Variants in GRIP1 observed in about 807,000 individuals in gnomAD.
GRIP1 encodes glutamate receptor-interacting protein 1.
In GRIP1, 45 loss-of-function variants were observed where a neutral mutation model predicts 129.9. The ratio of observed to expected loss-of-function variants is 0.35; its 90% CI spans 0.27 to 0.44. The LOEUF (loss-of-function observed/expected upper bound fraction) is 0.44. Ranked by LOEUF, GRIP1 falls within the 20% of genes least tolerant of loss-of-function variation. The pLI is 1.00. For missense variants in GRIP1, 1,196 were observed against 1,396.8 expected, an observed-to-expected ratio of 0.86 and a Z score of 2.29; for synonymous variants, 530 against 520.8, an observed-to-expected ratio of 1.02 and a Z score of -0.24.
At chr12:66,970,317 A>G (rs1441043420) in intron 1 of GRIP1, among the ~76,000 whole-genome samples, 3 of 152,120 alleles carry the variant, frequency 2.0e-5, no homozygotes, top group Admixed American at 2.0e-4. Flanking sequence ...TCTAGCCTCA[A>G]GTCATCTGTC....
intron 15 of GRIP1, among the ~76,000 whole-genome samples, chr12:66,417,870 A>G (rs1170508663): frequency 6.6e-6 from 1 of 152,174 alleles, no homozygotes; most frequent in Non-Finnish European, 1.5e-5. Flanking sequence ...ACCCAGAGCA[A>G]TCTACATATT....
rs58598900 is a variant in GRIP1 at position 66,570,104 on chromosome 12, C to CATGTATGTATGTATGT, written c.136+26727_136+26742dup. Among the ~76,000 whole-genome samples, 1,472 of 150,832 alleles carry CATGTATGTATGTATGT rather than the reference C, an allele frequency of 9.8e-3. 21 individuals carry two copies. Among genetic ancestry groups the CATGTATGTATGTATGT allele is most frequent in the African/African-American group, 0.034 (1,388 of 40,954 alleles). On this transcript the variant is annotated intron_variant, in intron 2 of 24. Transcript: ENST00000359742. ...GTTGGGGGGTAGTTTGTAGGCATTG[C>CATGTATGTATGTATGT]ATGTATGTATGTATGTATGTATGTA...
chr12:66,868,474 G>A (rs1176086053), intron 1 of GRIP1, among the ~76,000 whole-genome samples: 2 of 151,956 alleles, frequency 1.3e-5, no homozygotes, highest in East Asian at 3.9e-4. Context: ...GGAAATTGTA[G>A]CCCCACGAAC....
chr12:66,891,389 G>C (rs116090979), intron 1 of GRIP1, among the ~76,000 whole-genome samples: 3,830 of 152,258 alleles, frequency 0.025, 77 homozygotes, highest in Middle Eastern at 0.058. Flanking sequence ...TTCATATCTG[G>C]CCACAAAGCA....
In GRIP1 at chr12:66,874,967, A is replaced by G. The variant is rs1450952062; in HGVS notation, c.58+194083T>C. Reference sequence around the variant, plus strand: ...AAGATATATTACATTTCATGTATACATACCCTGTATGTATGCTATAAAAGT... The same window carrying G: ...AAGATATATTACATTTCATGTATACGTACCCTGTATGTATGCTATAAAAGT... On this transcript the variant is annotated intron_variant, in intron 1 of 1. Transcript: ENST00000643019. Among the ~76,000 whole-genome samples, 3 of 152,214 alleles carry G rather than the reference A, an allele frequency of 2.0e-5. No individual in the cohort carries two copies. The South Asian group carries it at 6.2e-4, about 32-fold the overall frequency.
intron 14 of GRIP1, among the ~76,000 whole-genome samples, chr12:66,428,496 T>C (rs2058053332): frequency 6.6e-6 from 1 of 152,174 alleles, no homozygotes; most frequent in Non-Finnish European, 1.5e-5. Flanking sequence ...GAATTCACTG[T>C]ACTCACAAAA....
At chr12:66,395,577 A>C (rs2056756145) in intron 16 of GRIP1, among the ~76,000 whole-genome samples, 1 of 152,238 alleles carries the variant, frequency 6.6e-6, no homozygotes, top group South Asian at 2.1e-4. Context: ...TTTGGGAAGC[A>C]ATGTGTCCTC....
intron 1 of GRIP1, among the ~76,000 whole-genome samples, chr12:66,878,658 T>C (rs549939984): frequency 6.6e-6 from 1 of 152,232 alleles, no homozygotes; most frequent in Non-Finnish European, 1.5e-5. Flanking sequence ...GACTCCGTTT[T>C]AGGCAGCAGG....
chr12:66,569,469 T>C (rs2062881607), intron 2 of GRIP1, among the ~76,000 whole-genome samples: 1 of 150,476 alleles, frequency 6.6e-6, no homozygotes, highest in African/African-American at 2.4e-5. Context: ...AGAGTGAGAC[T>C]TCGTCTGAAA....
chr12:66,698,212 T>A (rs2035230836), intron 1 of GRIP1, among the ~76,000 whole-genome samples: 1 of 152,188 alleles, frequency 6.6e-6, no homozygotes, highest in Non-Finnish European at 1.5e-5. Flanking sequence ...GTATCTAGAC[T>A]TGAACATGCA....
At chr12:66,411,393 A>G (rs2057397275) in intron 15 of GRIP1, among the ~76,000 whole-genome samples, 1 of 152,134 alleles carries the variant, frequency 6.6e-6, no homozygotes, top group Non-Finnish European at 1.5e-5. Context: ...AGGGGGCCTG[A>G]CTGTTAAAAG....
At chr12:66,450,326 A>AG (rs1565750747) in intron 11 of GRIP1, among the ~76,000 whole-genome samples, 1 of 149,066 alleles carries the variant, frequency 6.7e-6, no homozygotes, top group African/African-American at 2.5e-5. Context: ...AAAAAAAAAA[A>AG]AAAAAAAGAA....
chr12:66,538,271 C>G (rs2061667167), intron 4 of GRIP1, among the ~76,000 whole-genome samples: 1 of 151,306 alleles, frequency 6.6e-6, no homozygotes, highest in African/African-American at 2.4e-5. Context: ...ACAATCATAG[C>G]TCACTGCAGC....
intron 1 of GRIP1, among the ~76,000 whole-genome samples, chr12:66,838,815 C>T (rs1351256849): frequency 6.6e-6 from 1 of 152,098 alleles, no homozygotes; most frequent in Non-Finnish European, 1.5e-5. Context: ...GAAAGGATGA[C>T]AGAATAGGCA....
chr12:66,432,484 C>T, intron 14 of GRIP1, 64 bp downstream of exon 14: 8 of 975,550 alleles, frequency 8.2e-6, no homozygotes, highest in African/African-American at 6.4e-5. Flanking sequence ...CACCTGCAAA[C>T]CATTTGACAA....
At chr12:66,422,278 T>A (rs138657250) in intron 14 of GRIP1, among the ~76,000 whole-genome samples, 1 of 152,322 alleles carries the variant, frequency 6.6e-6, no homozygotes, top group East Asian at 1.9e-4. Context: ...TAATGGGACT[T>A]CATTTAATCA....
intron 1 of GRIP1, among the ~76,000 whole-genome samples, chr12:67,036,694 T>C (rs2043101268): frequency 6.6e-6 from 1 of 151,974 alleles, no homozygotes; most frequent in African/African-American, 2.4e-5. Flanking sequence ...CACAATTAAA[T>C]CTCTTTAATA....
At chr12:66,707,419 C>T (rs932426440) in intron 1 of GRIP1, among the ~76,000 whole-genome samples, 5 of 146,828 alleles carry the variant, frequency 3.4e-5, no homozygotes, top group South Asian at 2.1e-4. Context: ...CTCTAATGTA[C>T]GATTTAAAAT....
chr12:66,507,805 C>T (rs1787846748), intron 7 of GRIP1, among the ~76,000 whole-genome samples: 1 of 151,632 alleles, frequency 6.6e-6, no homozygotes, highest in Admixed American at 6.6e-5. Context: ...GGATCTTGCT[C>T]TTCCACCCAT....
Sources: gnomAD v4.1 joint callset for allele counts (sites outside exome capture counted in the v4.1 genomes callset) on GRCh38, gnomAD v4.1.1 for gene constraint, MANE v1.5 for transcripts, NCBI Gene and HGNC (gene_info 2026-07-23, HGNC 2026-07-21) for gene names.